Variants in CCDC7 observed in about 807,000 individuals in gnomAD.
The protein encoded by CCDC7 is coiled-coil domain containing 7, also known as coiled-coil domain-containing protein 7.
In CCDC7, 183 loss-of-function variants were observed where a neutral mutation model predicts 196.9. The observed-to-expected ratio is 0.93, with a 90% CI of 0.82 to 1.05. The LOEUF (loss-of-function observed/expected upper bound fraction) is 1.05, where lower values mean the gene tolerates loss of function less well. Among genes scored for constraint, CCDC7 ranks in the 50% least tolerant of loss-of-function variants. The pLI is 0.00. For missense variants in CCDC7, 1,540 were observed against 1,482.2 expected (o/e 1.04, Z -0.64); for synonymous variants, 525 against 484.6 (o/e 1.08, Z -1.10).
intron 25 of CCDC7, among the ~76,000 whole-genome samples, chr10:32,723,485 A>G (rs915288994): frequency 2.0e-5 from 3 of 152,128 alleles, no homozygotes; most frequent in South Asian, 2.1e-4. Context: ...GGGAAGCTAT[A>G]TACATTGGAA....
At chr10:32,814,692 A>G (rs2087989910) in intron 31 of CCDC7, among the ~76,000 whole-genome samples, 1 of 152,216 alleles carries the variant, frequency 6.6e-6, no homozygotes. Flanking sequence ...AACAGATAGT[A>G]ATTTTATTGG....
chr10:32,818,126 T>C (rs1201781785), intron 31 of CCDC7, among the ~76,000 whole-genome samples: 2 of 151,760 alleles, frequency 1.3e-5, no homozygotes, highest in African/African-American at 4.8e-5. Flanking sequence ...AGGCTCAAAA[T>C]AAAGGGATGG....
intron 18 of CCDC7, among the ~76,000 whole-genome samples, chr10:32,619,823 T>C (rs1427829565): frequency 6.6e-6 from 1 of 151,256 alleles, no homozygotes; most frequent in African/African-American, 2.4e-5. Flanking sequence ...GGTCTCAAAC[T>C]CTTGGTCTCA....
In CCDC7 at chr10:32,489,739, G is replaced by T. The variant is rs971302316; in HGVS notation, c.797-2183G>T. Among the ~76,000 whole-genome samples the T allele has an allele frequency of 5.9e-5, 9 of 152,152 alleles. No homozygotes were observed. In the East Asian group the frequency reaches 1.7e-3, roughly 29 times the overall value. ...GTGCAGGCTGGTGCAGAGTGAGCAT[G>T]GCTCTAGGGCCTGGGGTGGGGCTAG... On this transcript the variant is annotated intron_variant, in intron 8 of 41. Coordinates refer to ENST00000639629, the Ensembl canonical transcript of CCDC7.
At chr10:32,709,522 C>G (rs1027454133) in intron 24 of CCDC7, among the ~76,000 whole-genome samples, 3 of 152,082 alleles carry the variant, frequency 2.0e-5, no homozygotes, top group Admixed American at 2.0e-4. Context: ...CTAGATCTTT[C>G]AGATGTGCAG....
intron 25 of CCDC7, among the ~76,000 whole-genome samples, chr10:32,725,157 A>C (rs1414549): frequency 0.51 from 77,273 of 151,924 alleles, 20,505 homozygotes; most frequent in Non-Finnish European, 0.58. Context: ...TTTAGTGTCT[A>C]AGGGCTTGTT....
intron 13 of CCDC7, among the ~76,000 whole-genome samples, chr10:32,558,629 G>A (rs2054766859): frequency 2.0e-5 from 3 of 152,176 alleles, no homozygotes; most frequent in Admixed American, 2.0e-4. Flanking sequence ...ATCTTCCCTA[G>A]AGTTCTTCCC....
At chr10:32,641,672 C>T (rs2066827505) in intron 20 of CCDC7, among the ~76,000 whole-genome samples, 1 of 152,240 alleles carries the variant, frequency 6.6e-6, no homozygotes, top group African/African-American at 2.4e-5. Flanking sequence ...ATTCTCCATC[C>T]AGCTTTGTTC....
chr10:32,837,785 T>C (rs1050532068), intron 33 of CCDC7, among the ~76,000 whole-genome samples: 5 of 151,970 alleles, frequency 3.3e-5, no homozygotes, highest in Non-Finnish European at 7.4e-5. Flanking sequence ...GGGACATGGA[T>C]GAAGCTGGAA....
At chr10:32,488,029 T>G (rs1362616102) in intron 8 of CCDC7, among the ~76,000 whole-genome samples, 1 of 152,250 alleles carries the variant, frequency 6.6e-6, no homozygotes, top group Non-Finnish European at 1.5e-5. Flanking sequence ...CAGGGACATT[T>G]AAGTCTTCAG....
intron 29 of CCDC7, among the ~76,000 whole-genome samples, chr10:32,787,486 A>G (rs1334629740): frequency 6.6e-6 from 1 of 152,224 alleles, no homozygotes; most frequent in Non-Finnish European, 1.5e-5. Flanking sequence ...GAGGAAGGAC[A>G]GTTTTACATA....
intron 31 of CCDC7, among the ~76,000 whole-genome samples, chr10:32,817,423 A>G (rs1029474668): frequency 5.9e-5 from 9 of 152,228 alleles, no homozygotes; most frequent in Admixed American, 1.3e-4. Context: ...GTAGGATATT[A>G]TCCAGGAGAA....
intron 37 of CCDC7, 110 bp downstream of exon 38, chr10:32,846,569 G>A (rs2093306655): frequency 3.3e-6 from 2 of 597,162 alleles, no homozygotes; most frequent in Admixed American, 3.1e-5. Context: ...GTGTTACATA[G>A]GTAAAATTCA....
chr10:32,536,408 G>A (rs998319482), intron 11 of CCDC7, among the ~76,000 whole-genome samples: 1 of 152,092 alleles, frequency 6.6e-6, no homozygotes, highest in Non-Finnish European at 1.5e-5. Context: ...CATCCTCTAG[G>A]CAGCTTGAGA....
chr10:32,763,031 A>G (rs1050137216), intron 28 of CCDC7, among the ~76,000 whole-genome samples: 26 of 151,980 alleles, frequency 1.7e-4, no homozygotes, highest in African/African-American at 6.3e-4. Flanking sequence ...AAAACTAAAA[A>G]TTTTCTGGAC....
chr10:32,589,533 G>A (rs1382733097), intron 18 of CCDC7, among the ~76,000 whole-genome samples: 1 of 152,050 alleles, frequency 6.6e-6, no homozygotes, highest in Non-Finnish European at 1.5e-5. Context: ...GTGTATTCTG[G>A]TGCCACTGAA....
chr10:32,726,734 T>G, exon 26 of CCDC7: 1 of 1,552,858 alleles, frequency 6.4e-7, no homozygotes, highest in African/African-American at 1.4e-5. Context: ...CATTTTGTAG[T>G]ACCAGATAAA....
At chr10:32,458,425 A>G (rs929228885) in intron 3 of CCDC7, among the ~76,000 whole-genome samples, 5 of 149,318 alleles carry the variant, frequency 3.3e-5, no homozygotes, top group African/African-American at 9.9e-5. Flanking sequence ...TGTGGCTACT[A>G]TAGCTTTGAA....
chr10:32,713,009 G>A (rs1268273297), intron 25 of CCDC7, among the ~76,000 whole-genome samples: 8 of 152,132 alleles, frequency 5.3e-5, no homozygotes, highest in South Asian at 2.1e-4. Flanking sequence ...TTGGTACTAC[G>A]TGCCAGTAGT....
Sources: gnomAD v4.1 joint callset for allele counts (sites outside exome capture counted in the v4.1 genomes callset) on GRCh38, gnomAD v4.1.1 for gene constraint, MANE v1.5 for transcripts, NCBI Gene and HGNC (gene_info 2026-07-23, HGNC 2026-07-21) for gene names.